CNTN6: variants seen among roughly 807,000 people sequenced by gnomAD.
CNTN6 encodes the protein contactin 6.
A neutral mutation model predicts 122.8 loss-of-function variants in CNTN6; 137 were observed. That is an observed-to-expected ratio of 1.12 (90% CI 0.97 to 1.29). The LOEUF (loss-of-function observed/expected upper bound fraction) is 1.29. Among genes scored for constraint, CNTN6 ranks in the 50% most tolerant of loss-of-function variants. The probability of loss-of-function intolerance (pLI) is 0.00; values close to 1 mark genes in which losing one functional copy is unlikely to be tolerated. For synonymous variants in CNTN6, 570 were observed against 426.0 expected (o/e 1.34, Z -4.16); for missense variants, 1,634 against 1,223.4 (o/e 1.34, Z -5.01).
At chr3:1,174,561 TTC>T (rs1249345990) in intron 2 of CNTN6, among the ~76,000 whole-genome samples, 4 of 152,308 alleles carry the variant, frequency 2.6e-5, no homozygotes, top group Admixed American at 2.6e-4. Context: ...CCATCTCTCT[TTC>T]TCTTTTCTGC....
intron 20 of CNTN6, among the ~76,000 whole-genome samples, chr3:1,386,990 G>C (rs931719731): frequency 1.1e-4 from 16 of 151,268 alleles, no homozygotes; most frequent in African/African-American, 3.6e-4. Flanking sequence ...AGATTATCCA[G>C]TTATTTCCAC....
intron 1 of CNTN6, among the ~76,000 whole-genome samples, chr3:1,120,974 G>A (rs891073744): frequency 1.6e-5 from 2 of 125,690 alleles, no homozygotes; most frequent in Non-Finnish European, 3.6e-5. Context: ...TTGGAGATTA[G>A]CATTATTCCT....
intron 1 of CNTN6, among the ~76,000 whole-genome samples, chr3:1,109,801 T>C (rs1254704208): frequency 2.0e-5 from 3 of 152,126 alleles, no homozygotes; most frequent in Non-Finnish European, 4.4e-5. Flanking sequence ...ATTTTGTGTG[T>C]GTATACAACC....
chr3:1,100,620 C>G (rs1325652971), intron 1 of CNTN6, among the ~76,000 whole-genome samples: 1 of 152,064 alleles, frequency 6.6e-6, no homozygotes, highest in Non-Finnish European at 1.5e-5. Context: ...TTCAGGAATG[C>G]TCATTCATTA....
At chr3:1,297,835 C>T (rs1696536496) in intron 6 of CNTN6, 54 bp from the exon 7 acceptor site, 2 of 1,387,924 alleles carry the variant, frequency 1.4e-6, no homozygotes, top group Non-Finnish European at 2.0e-6. Context: ...GCATTTACTT[C>T]ATAGAAAACT....
intron 20 of CNTN6, among the ~76,000 whole-genome samples, chr3:1,398,135 G>A (rs1019078698): frequency 2.0e-5 from 3 of 152,112 alleles, no homozygotes; most frequent in Non-Finnish European, 2.9e-5. Flanking sequence ...CATGACATGT[G>A]TTTTGTGCTA....
intron 2 of CNTN6, among the ~76,000 whole-genome samples, chr3:1,162,630 A>C (rs1016053491): frequency 2.6e-5 from 4 of 152,178 alleles, no homozygotes; most frequent in Non-Finnish European, 5.9e-5. Flanking sequence ...ACTTACTCAA[A>C]CACTTAGTCT....
chr3:1,158,846 A>ATGTGTGTGTG (rs371063023), intron 2 of CNTN6, among the ~76,000 whole-genome samples: 2 of 88,508 alleles, frequency 2.3e-5, no homozygotes, highest in Non-Finnish European at 4.1e-5. Flanking sequence ...ACACATATAT[A>ATGTGTGTGTG]TACATACATA....
chr3:1,300,571 AAGAAAGAAAGAAAGAAAGAAAG>A (rs1697149167), intron 7 of CNTN6, among the ~76,000 whole-genome samples: 1 of 64,356 alleles, frequency 1.6e-5, no homozygotes, highest in South Asian at 6.0e-4. Context: ...GAAAGAAAGA[AAGAAAGAAAGAAAGAAAGAAAG>A]AAAGAAAGAA....
chr3:1,373,811 C>T lies in CNTN6; in HGVS notation c.1945+49C>T, dbSNP rs1559955757. ...TCACTTTAAAAATAATATTTTAGTCCAATAATTTTAATAAATGCAATTACA... is the reference window on the plus strand; with the variant it reads ...TCACTTTAAAAATAATATTTTAGTCTAATAATTTTAATAAATGCAATTACA... On this transcript the variant is annotated intron_variant, in intron 15 of 22. Coordinates refer to ENST00000446702, the MANE Select transcript of CNTN6 (RefSeq NM_001289080.2). The T allele has an allele frequency of 3.3e-6, 5 of 1,506,852 alleles. No individual in the cohort carries two copies. In the South Asian group the frequency reaches 5.6e-5, roughly 17 times the overall value. The allele number at this position is 1,506,852 out of a possible 1,614,324, so 93.3% of individuals were successfully genotyped here.
At position 1,128,189 on chromosome 3, in the gene CNTN6, C is replaced by T. The variant is rs1323073852; in HGVS notation, c.-82-19738C>T. On this transcript the variant is annotated intron_variant, in intron 1 of 22. Transcript: ENST00000446702. ...TTTGAAATTGTGATCTTTCTTCCAT[C>T]TCCAAATATAATTTTGCAGACCATG... 4 of 152,028 alleles carry T rather than the reference C, an allele frequency of 2.6e-5. No homozygotes were observed. In the South Asian group the frequency reaches 6.2e-4, roughly 24 times the overall value. The allele number at this position is 152,028 out of a possible 1,614,324, so 9.4% of individuals were successfully genotyped here. A position where few individuals can be genotyped will look rare whatever the true frequency, so the allele number is the denominator to read the frequency against.
intron 4 of CNTN6, among the ~76,000 whole-genome samples, chr3:1,267,447 G>A (rs1332281702): frequency 1.3e-5 from 2 of 152,066 alleles, no homozygotes; most frequent in African/African-American, 2.4e-5. Context: ...AACTCATTTT[G>A]TTTATAAAGT....
chr3:1,308,577 G>A (rs1207247788), intron 7 of CNTN6, among the ~76,000 whole-genome samples: 3 of 151,758 alleles, frequency 2.0e-5, no homozygotes, highest in Non-Finnish European at 2.9e-5. Context: ...ATATCTATAA[G>A]TATTTCTACA....
chr3:1,098,742 C>A (rs1373911589), intron 1 of CNTN6, among the ~76,000 whole-genome samples: 1 of 133,324 alleles, frequency 7.5e-6, no homozygotes, highest in Non-Finnish European at 1.6e-5. Flanking sequence ...TCTTTGAATT[C>A]TTTTGGCAGT....
intron 1 of CNTN6, among the ~76,000 whole-genome samples, chr3:1,101,972 T>C (rs544893732): frequency 6.9e-4 from 105 of 152,332 alleles, no homozygotes; most frequent in African/African-American, 2.5e-3. Flanking sequence ...ATTTTTAAGA[T>C]GATTTCTGCT....
At chr3:1,326,868 A>T (rs1036253501) in intron 9 of CNTN6, among the ~76,000 whole-genome samples, 7 of 151,872 alleles carry the variant, frequency 4.6e-5, no homozygotes, top group Admixed American at 2.6e-4. Flanking sequence ...ATTTAGTCTT[A>T]AGTTATATTT....
At chr3:1,378,880 T>G (rs897720765) in intron 17 of CNTN6, among the ~76,000 whole-genome samples, 4 of 152,164 alleles carry the variant, frequency 2.6e-5, no homozygotes, top group African/African-American at 4.8e-5. Flanking sequence ...ATATCTACCT[T>G]AAGTAGTAAG....
intron 2 of CNTN6, among the ~76,000 whole-genome samples, chr3:1,176,329 A>G (rs2093447654): frequency 6.6e-6 from 1 of 152,196 alleles, no homozygotes; most frequent in South Asian, 2.1e-4. Flanking sequence ...AGGCACGAGA[A>G]TCACTTGAAC....
chr3:1,329,537 A>G (rs560023470), intron 10 of CNTN6, among the ~76,000 whole-genome samples: 1 of 151,884 alleles, frequency 6.6e-6, no homozygotes, highest in East Asian at 1.9e-4. Flanking sequence ...ATTCCCTGCA[A>G]CTGTTACATC....
Sources: gnomAD v4.1 joint callset for allele counts (sites outside exome capture counted in the v4.1 genomes callset) on GRCh38, gnomAD v4.1.1 for gene constraint, MANE v1.5 for transcripts, NCBI Gene and HGNC (gene_info 2026-07-23, HGNC 2026-07-21) for gene names.